Variants in NFATC1 observed in about 807,000 individuals in gnomAD.
NFATC1 encodes the protein nuclear factor of activated T cells 1.
In NFATC1, 22 loss-of-function variants were observed where a neutral mutation model predicts 76.0. The ratio of observed to expected loss-of-function variants is 0.29; its 90% confidence interval spans 0.21 to 0.41. The LOEUF (loss-of-function observed/expected upper bound fraction) is 0.41. NFATC1 is among the 10% of genes least tolerant of loss of function. The pLI, the probability that NFATC1 is intolerant of heterozygous loss-of-function variation, is 1.00. For synonymous variants in NFATC1, 704 were observed against 613.1 expected, an observed-to-expected ratio of 1.15 and a Z score of -2.19; for missense variants, 1,357 against 1,337.7, an observed-to-expected ratio of 1.01 and a Z score of -0.23.
chr18:79,456,993 A>G (rs957660475), intron 6 of NFATC1, among the ~76,000 whole-genome samples: 1 of 152,250 alleles, frequency 6.6e-6, no homozygotes, highest in African/African-American at 2.4e-5. Flanking sequence ...AGAGGTGTCC[A>G]TCCCAACAGT....
rs561603204 is a variant in NFATC1 at position 79,448,842 on chromosome 18, G to A, written c.1447G>A (p.Asp483Asn). 1.7e-5 allele frequency: 27 copies of A among 1,613,754 alleles called. No individual in the cohort carries two copies. Among genetic ancestry groups the A allele is most frequent in the Middle Eastern group, 1.7e-4 (1 of 6,052 alleles). The change falls in exon 4 of 10, where the codon GAC (aspartate) becomes AAC (asparagine). Residue 483 changes from aspartate to asparagine, a missense_variant. Transcript: ENST00000427363. ...GCAGCTTTTCATTGGGACGGCGGAC[G>A]ACCGCCTGCTGCGCCCGCACGCCTT... Reference protein sequence around the residue: ...MLQLFIGTADDRLLRPHAFYQ... With the variant: ...MLQLFIGTADNRLLRPHAFYQ...
intron 9 of NFATC1, among the ~76,000 whole-genome samples, chr18:79,514,491 G>GGGA (rs2090330978): frequency 2.7e-5 from 4 of 147,162 alleles, no homozygotes; most frequent in Middle Eastern, 3.6e-3. Context: ...GCATAAGCCT[G>GGGA]GGAGATCAAG....
intron 4 of NFATC1, among the ~76,000 whole-genome samples, chr18:79,450,485 A>G (rs926207120): frequency 2.0e-5 from 3 of 150,944 alleles, no homozygotes; most frequent in African/African-American, 7.3e-5. Context: ...ATAATAATAA[A>G]TTGAGCTTTT....
chr18:79,483,369 G>A (rs549553724), intron 8 of NFATC1, among the ~76,000 whole-genome samples: 56 of 124,264 alleles, frequency 4.5e-4, no homozygotes, highest in South Asian at 1.8e-3. Context: ...TCATTCCGGC[G>A]TGACCTGGTT....
intron 2 of NFATC1, among the ~76,000 whole-genome samples, chr18:79,425,439 G>C (rs1048937989): frequency 6.6e-6 from 1 of 152,366 alleles, no homozygotes; most frequent in Admixed American, 6.5e-5. Flanking sequence ...CTGTGGGCGG[G>C]TGTGGCCCTG....
At chr18:79,492,873 CAAAAAA>C (rs397937205) in intron 9 of NFATC1, among the ~76,000 whole-genome samples, 1 of 68,616 alleles carries the variant, frequency 1.5e-5, no homozygotes, top group Non-Finnish European at 2.6e-5. Flanking sequence ...GACTCCATCT[CAAAAAA>C]AAAAAAGAAA....
At chr18:79,428,396 G>A (rs1204878157) in intron 2 of NFATC1, among the ~76,000 whole-genome samples, 1 of 152,180 alleles carries the variant, frequency 6.6e-6, no homozygotes, top group Non-Finnish European at 1.5e-5. Context: ...AAGACCAAGC[G>A]CACCCCGGAC....
chr18:79,514,363 C>T (rs1422174560), intron 9 of NFATC1, among the ~76,000 whole-genome samples: 2 of 151,800 alleles, frequency 1.3e-5, no homozygotes, highest in Admixed American at 6.6e-5. Context: ...TCACACGAGC[C>T]CAGGAGTTCC....
chr18:79,402,487 C>T (rs2085301663), intron 1 of NFATC1: 1 of 761,616 alleles, frequency 1.3e-6, no homozygotes, highest in Non-Finnish European at 1.6e-6. Context: ...GCACCCTGGG[C>T]CCTCCGGAGC....
chr18:79,426,851 C>G (rs1260974608), intron 2 of NFATC1, among the ~76,000 whole-genome samples: 1 of 152,204 alleles, frequency 6.6e-6, no homozygotes, highest in African/African-American at 2.4e-5. Flanking sequence ...ATGCCCTGGC[C>G]CCAGGCCCCA....
intron 2 of NFATC1, among the ~76,000 whole-genome samples, chr18:79,423,800 C>T (rs1489043188): frequency 1.3e-5 from 2 of 152,146 alleles, no homozygotes; most frequent in African/African-American, 2.4e-5. Flanking sequence ...TCCTCTGGGC[C>T]GCCTTCCCTC....
rs531272023 is a variant in NFATC1 at position 79,469,377 on chromosome 18, G to A, written c.2092+1795G>A. 3.6e-4 allele frequency: 352 copies of A among 985,440 alleles called. 1 individual carries two copies. The highest frequency in any genetic ancestry group is 1.3e-3 in the East Asian group (11 of 8,788). 61.0% of individuals were successfully genotyped at this position (985,440 alleles called of 1,614,324 possible). ...CAGCACTGACTTTAGCACAGATCAC[G>A]TATCTCAGAGGCAGAAGGGGCGTGC... On this transcript the variant is annotated intron_variant, in intron 8 of 9. Transcript: ENST00000427363.
intron 2 of NFATC1, among the ~76,000 whole-genome samples, chr18:79,426,259 C>G (rs1259764433): frequency 6.6e-6 from 1 of 151,314 alleles, no homozygotes; most frequent in Non-Finnish European, 1.5e-5. Flanking sequence ...TCCTCCCCCT[C>G]TGTCCCAGCG....
chr18:79,464,708 TTA>T (rs758193063), intron 7 of NFATC1, among the ~76,000 whole-genome samples: 1,238 of 79,680 alleles, frequency 0.016, 78 homozygotes, highest in African/African-American at 0.059. Flanking sequence ...ATTTATTTAT[TTA>T]TTTTTTTTTT....
chr18:79,506,699 G>A (rs898152557), intron 9 of NFATC1, among the ~76,000 whole-genome samples: 4 of 152,184 alleles, frequency 2.6e-5, no homozygotes, highest in Non-Finnish European at 4.4e-5. Context: ...AAAAATGTGT[G>A]TGCTTCCCAG....
intron 3 of NFATC1, among the ~76,000 whole-genome samples, chr18:79,442,707 G>T (rs1390832252): frequency 6.6e-6 from 1 of 152,196 alleles, no homozygotes; most frequent in Non-Finnish European, 1.5e-5. Context: ...GTCCCTCCTG[G>T]GGAGCTTCTG....
intron 9 of NFATC1, chr18:79,516,056 G>A (rs575250753): frequency 8.5e-5 from 13 of 152,108 alleles, no homozygotes; most frequent in African/African-American, 2.9e-4. Context: ...ACGTGGTCCT[G>A]TACCCTGAAC....
At chr18:79,413,588 C>A (rs1407482265) in intron 2 of NFATC1, among the ~76,000 whole-genome samples, 1 of 152,238 alleles carries the variant, frequency 6.6e-6, no homozygotes, top group Non-Finnish European at 1.5e-5. Context: ...ACCCTCTCTC[C>A]AGACACAGCC....
chr18:79,424,959 G>A (rs1249740649), intron 2 of NFATC1, among the ~76,000 whole-genome samples: 1 of 119,024 alleles, frequency 8.4e-6, no homozygotes, highest in South Asian at 2.8e-4. Context: ...CTCTGTGTCT[G>A]TCTCTCCGTC....
Sources: allele counts gnomAD v4.1 joint callset (sites outside exome capture counted in the v4.1 genomes callset), GRCh38; gene constraint gnomAD v4.1.1; transcripts MANE v1.5; gene names NCBI Gene and HGNC (gene_info 2026-07-23, HGNC 2026-07-21).